NPAS2: variants seen among roughly 807,000 people sequenced by gnomAD.
NPAS2 encodes neuronal PAS domain protein 2.
A neutral mutation model predicts 107.5 loss-of-function variants in NPAS2; 23 were observed. That is an observed-to-expected ratio of 0.21 (90% CI 0.15 to 0.30). The LOEUF is 0.30. Ranked by LOEUF, NPAS2 falls within the 10% of genes least tolerant of loss-of-function variation. The pLI, the probability that NPAS2 is intolerant of heterozygous loss-of-function variation, is 1.00. For synonymous variants in NPAS2, 403 were observed against 417.5 expected (o/e 0.97, Z 0.42); for missense variants, 756 against 1,043.3 (o/e 0.72, Z 3.79).
chr2:100,907,529 A>AGAT (rs1263333541), intron 2 of NPAS2, among the ~76,000 whole-genome samples: 1 of 129,738 alleles, frequency 7.7e-6, no homozygotes. Flanking sequence ...CACACCCCTA[A>AGAT]GATCGTATTC....
At chr2:100,919,806 C>G (rs978882413) in intron 2 of NPAS2, among the ~76,000 whole-genome samples, 1 of 152,188 alleles carries the variant, frequency 6.6e-6, no homozygotes, top group Non-Finnish European at 1.5e-5. Context: ...GACTATGCAC[C>G]CCTCAAAGCC....
intron 1 of NPAS2, among the ~76,000 whole-genome samples, chr2:100,895,448 C>T (rs910994482): frequency 3.3e-5 from 5 of 152,316 alleles, no homozygotes; most frequent in African/African-American, 9.6e-5. Context: ...AAGCCTGGGT[C>T]GGTCTCAGTT....
intron 2 of NPAS2, among the ~76,000 whole-genome samples, chr2:100,908,942 A>C (rs1183228397): frequency 6.6e-6 from 1 of 152,174 alleles, no homozygotes; most frequent in Non-Finnish European, 1.5e-5. Flanking sequence ...TGATTCTTTG[A>C]CCCTAATTCT....
At chr2:100,917,147 G>T (rs779557286) in intron 2 of NPAS2, among the ~76,000 whole-genome samples, 5 of 152,116 alleles carry the variant, frequency 3.3e-5, no homozygotes, top group Non-Finnish European at 5.9e-5. Flanking sequence ...CAGCAAGAAA[G>T]ATGGAAATTA....
At chr2:100,836,424 A>G (rs1273029254) in intron 1 of NPAS2, among the ~76,000 whole-genome samples, 1 of 152,162 alleles carries the variant, frequency 6.6e-6, no homozygotes. Flanking sequence ...TCTGGGCTGT[A>G]TATCATTTCA....
intron 2 of NPAS2, among the ~76,000 whole-genome samples, chr2:100,913,661 T>C (rs1329487589): frequency 6.6e-6 from 1 of 152,156 alleles, no homozygotes; most frequent in African/African-American, 2.4e-5. Context: ...TTTTACTGCC[T>C]TTTATCCTCA....
At chr2:100,979,318 C>A (rs1457715076) in intron 15 of NPAS2, among the ~76,000 whole-genome samples, 1 of 151,668 alleles carries the variant, frequency 6.6e-6, no homozygotes, top group Admixed American at 6.6e-5. Context: ...ACCTTTTAAT[C>A]CAAAGGGGCA....
intron 2 of NPAS2, among the ~76,000 whole-genome samples, chr2:100,910,712 G>A (rs1045908360): frequency 6.6e-6 from 1 of 152,050 alleles, no homozygotes; most frequent in Non-Finnish European, 1.5e-5. Context: ...ATTTTTAGTA[G>A]AGTTGGGGTT....
chr2:100,829,307 C>G (rs1489133404), intron 1 of NPAS2, among the ~76,000 whole-genome samples: 1 of 151,942 alleles, frequency 6.6e-6, no homozygotes, highest in Admixed American at 6.6e-5. Context: ...CACGCACCAC[C>G]ATGCCTGGCT....
At chr2:100,918,349 G>C (rs1255880469) in intron 2 of NPAS2, among the ~76,000 whole-genome samples, 1 of 152,146 alleles carries the variant, frequency 6.6e-6, no homozygotes, top group Admixed American at 6.5e-5. Context: ...TAGGCAAAGA[G>C]TTCCTAGACC....
chr2:100,901,636 C>T (rs2104757057), intron 1 of NPAS2: 2 of 820,354 alleles, frequency 2.4e-6, no homozygotes, highest in African/African-American at 1.9e-5. Flanking sequence ...ATTCCCTTGG[C>T]TCCCTTCTTG....
intron 1 of NPAS2, among the ~76,000 whole-genome samples, chr2:100,892,663 A>G (rs982589060): frequency 1.3e-5 from 2 of 152,186 alleles, no homozygotes; most frequent in Non-Finnish European, 2.9e-5. Flanking sequence ...TTGGGATTGC[A>G]GGAGCTGCCG....
intron 4 of NPAS2, among the ~76,000 whole-genome samples, chr2:100,936,493 C>G (rs1684307969): frequency 6.6e-6 from 1 of 152,178 alleles, no homozygotes; most frequent in South Asian, 2.1e-4. Flanking sequence ...CCCTTAAAGA[C>G]TTGCTTTCTG....
intron 17 of NPAS2, chr2:100,988,978 CCCTGCTCCTCCAGGCCCCCA>C (rs1677952848): frequency 1.1e-5 from 3 of 261,958 alleles, no homozygotes; most frequent in African/African-American, 7.1e-5. Flanking sequence ...CTCCAGGCCC[CCCTGCTCCTCCAGGCCCCCA>C]CTGCTCCTCC....
rs574377052 is a variant in NPAS2 at position 100,932,626 on chromosome 2, C to T, written c.182-284C>T. ...AATTCCAACTGTTGACGATGGAGTT[C>T]GTCATGTAGACATTCAGGGCCATGG... is the stretch of plus-strand genomic sequence containing the variant. On this transcript the variant is annotated intron_variant, in intron 3 of 20. Coordinates refer to ENST00000335681, the MANE Select transcript of NPAS2 (RefSeq NM_002518.4). Among the ~76,000 whole-genome samples, 186 of 152,268 alleles carry T rather than the reference C, an allele frequency of 1.2e-3. 1 individual carries two copies. The highest frequency in any genetic ancestry group is 1.9e-3 in the Admixed American group (29 of 15,298).
chr2:100,878,869 A>G (rs1456179863), intron 1 of NPAS2, among the ~76,000 whole-genome samples: 1 of 152,188 alleles, frequency 6.6e-6, no homozygotes, highest in Non-Finnish European at 1.5e-5. Context: ...CTGTAATCCC[A>G]GCACTTTGGG....
chr2:100,828,271 A>G (rs1161026572), intron 1 of NPAS2, among the ~76,000 whole-genome samples: 1 of 151,514 alleles, frequency 6.6e-6, no homozygotes, highest in Non-Finnish European at 1.5e-5. Context: ...TTGCTTGTTC[A>G]GTTGTTTAAG....
chr2:100,900,474 G>A (rs1681703189), intron 1 of NPAS2, among the ~76,000 whole-genome samples: 1 of 152,164 alleles, frequency 6.6e-6, no homozygotes, highest in Non-Finnish European at 1.5e-5. Context: ...GTGCAAATAT[G>A]AAATTGTACG....
chr2:100,918,760 A>C (rs1484432750), intron 2 of NPAS2, among the ~76,000 whole-genome samples: 1 of 152,242 alleles, frequency 6.6e-6, no homozygotes, highest in Non-Finnish European at 1.5e-5. Flanking sequence ...ATTCCCTTTA[A>C]GGTTGTAGAA....
Sources: gnomAD v4.1 joint callset for allele counts (sites outside exome capture counted in the v4.1 genomes callset) on GRCh38, gnomAD v4.1.1 for gene constraint, MANE v1.5 for transcripts, NCBI Gene and HGNC (gene_info 2026-07-23, HGNC 2026-07-21) for gene names.